PMF1: variants seen among roughly 807,000 people sequenced by gnomAD.
PMF1 encodes polyamine modulated factor 1, also known as polyamine-modulated factor 1.
In PMF1, 21 loss-of-function variants were observed where a neutral mutation model predicts 26.7. The ratio of observed to expected loss-of-function variants is 0.79; its 90% CI spans 0.56 to 1.13. The LOEUF is 1.13. Among genes scored for constraint, PMF1 ranks in the 50% most tolerant of loss-of-function variants. The pLI is 0.00. For missense variants in PMF1, 266 were observed against 254.9 expected (o/e 1.04, Z -0.30); for synonymous variants, 105 against 101.0 (o/e 1.04, Z -0.24).
rs1200001096 is a variant in PMF1, at chr1:156,233,700, G to A, written c.340G>A (p.Glu114Lys). 6.2e-7 allele frequency: 1 copy of A among 1,613,646 alleles called. No individual in the cohort carries two copies. Among genetic ancestry groups the A allele is most frequent in the Non-Finnish European group, 8.5e-7 (1 of 1,179,792 alleles). Reference protein sequence around the residue: ...VLNALDKIVEEGKVRKEPAWR... With the variant: ...VLNALDKIVEKGKVRKEPAWR... The stretch of plus-strand genomic sequence containing the variant: ...GAATGCCTTGGATAAAATTGTGGAA[G>A]AAGGCAAAGTCCGCAAAGAGCCAGC... The change falls in exon 3 of 5, where the codon GAA (glutamate) becomes AAA (lysine). Residue 114 changes from glutamate to lysine, a missense_variant. Transcript: ENST00000368277.
chr1:156,229,977 T>C (rs556936348), intron 1 of PMF1, among the ~76,000 whole-genome samples: 1 of 152,390 alleles, frequency 6.6e-6, no homozygotes, highest in East Asian at 1.9e-4. Flanking sequence ...GGCAGTTCTC[T>C]CTTGCAGGCC....
chr1:156,236,194 TG>T, intron 3 of PMF1, 93 bp from the exon 4 acceptor site: 1 of 1,514,840 alleles, frequency 6.6e-7, no homozygotes, highest in Non-Finnish European at 8.9e-7. Context: ...TGGGACAAGG[TG>T]GGCATGTCAC....
chr1:156,237,951 A>T (rs1225154670), intron 4 of PMF1, among the ~76,000 whole-genome samples: 1 of 151,798 alleles, frequency 6.6e-6, no homozygotes, highest in Non-Finnish European at 1.5e-5. Flanking sequence ...TATTTTTAGT[A>T]GAGACGGGGT....
At position 156,228,256 on chromosome 1, in the gene PMF1, ATTTTTTTTTTTTTTTTT is replaced by A. The variant is rs772709878; in HGVS notation, c.162-4048_162-4032del. On this transcript the variant is annotated intron_variant, in intron 1 of 4. Transcript: ENST00000368277. ...CAGGCGTGAGCCACCGCACCTGGCGATTTTTTTTTTTTTTTTTTTTTTTTTTTTTTTTAGTGTATCAC... is the reference window on the plus strand; with the variant it reads ...CAGGCGTGAGCCACCGCACCTGGCGATTTTTTTTTTTTTTTAGTGTATCAC... Among the ~76,000 whole-genome samples, 141 of 33,566 alleles carry A rather than the reference ATTTTTTTTTTTTTTTTT, an allele frequency of 4.2e-3. 2 individuals are homozygous for A. The highest frequency in any genetic ancestry group is 0.014 in the African/African-American group (135 of 9,760). The allele number at this position is 33,566 out of a possible 152,430, so 22.0% of individuals were successfully genotyped here.
intron 1 of PMF1, among the ~76,000 whole-genome samples, chr1:156,225,046 C>T (rs1228362458): frequency 6.6e-6 from 1 of 151,846 alleles, no homozygotes; most frequent in African/African-American, 2.4e-5. Context: ...ATTACAGGCG[C>T]CTGCCACTGC....
intron 1 of PMF1, among the ~76,000 whole-genome samples, chr1:156,222,383 C>CT (rs11432585): frequency 0.34 from 51,539 of 150,432 alleles, 9,019 homozygotes; most frequent in African/African-American, 0.4. Flanking sequence ...TGAATACATA[C>CT]TTTTTTTTTT....
chr1:156,229,207 C>G (rs1293722356), intron 1 of PMF1, among the ~76,000 whole-genome samples: 1 of 151,964 alleles, frequency 6.6e-6, no homozygotes, highest in Non-Finnish European at 1.5e-5. Context: ...CGCGCCTGGC[C>G]TACTGTATTG....
chr1:156,233,320 A>ATTT (rs572347708), intron 2 of PMF1, among the ~76,000 whole-genome samples: 3 of 138,418 alleles, frequency 2.2e-5, no homozygotes, highest in Non-Finnish European at 3.1e-5. Flanking sequence ...CATCCAGCTA[A>ATTT]TTTTTTTTTT....
intron 1 of PMF1, chr1:156,225,429 A>G (rs980019580): frequency 1.8e-5 from 11 of 605,198 alleles, no homozygotes; most frequent in Non-Finnish European, 3.4e-5. Context: ...CCCAGTATGT[A>G]GTCTTTTATC....
At position 156,236,865 on chromosome 1, in the gene PMF1, G is replaced by A. The variant is rs144205558; in HGVS notation, c.564+382G>A. ...ACATAGATATATATATTCTAAACCCGGTATATGGTAGGGGGATGGGAAGAG... is the reference window on the plus strand; with the variant it reads ...ACATAGATATATATATTCTAAACCCAGTATATGGTAGGGGGATGGGAAGAG... On this transcript the variant is annotated intron_variant, in intron 4 of 4. Transcript: ENST00000368277. The A allele has an allele frequency of 2.6e-3, 583 of 222,760 alleles. 6 individuals carry two copies. Among genetic ancestry groups the A allele is most frequent in the African/African-American group, 0.012 (536 of 44,664 alleles). The allele number at this position is 222,760 out of a possible 1,614,324, so 13.8% of individuals were successfully genotyped here.
At position 156,239,672 on chromosome 1, in the gene PMF1, G is replaced by A; in HGVS notation, c.*71G>A. The A allele has an allele frequency of 1.5e-6, 2 of 1,315,874 alleles. No individual in the cohort carries two copies. The highest frequency in any genetic ancestry group is 1.2e-5 in the South Asian group (1 of 83,998). 81.5% of individuals were successfully genotyped at this position (1,315,874 alleles called of 1,614,324 possible). A position where few individuals can be genotyped will look rare whatever the true frequency, so the allele number is the denominator to read the frequency against. Reference sequence around the variant, plus strand: ...CTGTGGTCCAGCATGCCTGGCCTGGGCGGGCTACCTCTGAGAACGGCTGAA... The same window carrying A: ...CTGTGGTCCAGCATGCCTGGCCTGGACGGGCTACCTCTGAGAACGGCTGAA... On this transcript the variant is annotated 3_prime_UTR_variant, in exon 5 of 5. Coordinates refer to ENST00000368277, the MANE Select transcript of PMF1 (RefSeq NM_007221.4).
intron 1 of PMF1, among the ~76,000 whole-genome samples, chr1:156,228,389 C>G (rs765619213): frequency 6.7e-6 from 1 of 148,252 alleles, no homozygotes; most frequent in Non-Finnish European, 1.5e-5. Flanking sequence ...AGAAAGACAT[C>G]ACCTTCTTCC....
intron 1 of PMF1, among the ~76,000 whole-genome samples, chr1:156,220,491 G>A (rs1658021674): frequency 6.6e-6 from 1 of 152,088 alleles, no homozygotes; most frequent in South Asian, 2.1e-4. Context: ...CGGGATTACG[G>A]GTGTGAGCCA....
chr1:156,233,859 TC>T, intron 3 of PMF1, 131 bp downstream of exon 3: 1 of 784,660 alleles, frequency 1.3e-6, no homozygotes, highest in Non-Finnish European at 1.9e-6. Flanking sequence ...TAAGCTGTCC[TC>T]CCACCTTGAC....
intron 1 of PMF1, among the ~76,000 whole-genome samples, chr1:156,221,071 A>C (rs1572484783): frequency 6.6e-6 from 1 of 151,888 alleles, no homozygotes; most frequent in Non-Finnish European, 1.5e-5. Context: ...CTGCCCCTTT[A>C]CCTGACTAGC....
intron 4 of PMF1, among the ~76,000 whole-genome samples, chr1:156,239,149 C>T (rs944226650): frequency 7.2e-5 from 11 of 152,216 alleles, no homozygotes; most frequent in African/African-American, 2.7e-4. Context: ...CCACCCATTC[C>T]AGCTACAGAC....
At chr1:156,216,742 G>GACA (rs1487737354) in intron 1 of PMF1, among the ~76,000 whole-genome samples, 5 of 147,646 alleles carry the variant, frequency 3.4e-5, no homozygotes, top group Non-Finnish European at 7.4e-5. Flanking sequence ...CTGGCTCCGT[G>GACA]CCGTGCGTGT....
chr1:156,232,492 A>G, intron 2 of PMF1, 67 bp downstream of exon 2: 1 of 1,508,356 alleles, frequency 6.6e-7, no homozygotes, highest in Non-Finnish European at 9.2e-7. Flanking sequence ...CAGTCCCCTG[A>G]GGGCAGTGGC....
intron 1 of PMF1, among the ~76,000 whole-genome samples, chr1:156,227,789 C>T (rs1261192512): frequency 2.0e-5 from 3 of 151,822 alleles, no homozygotes; most frequent in Admixed American, 6.6e-5. Context: ...TGAGCCACTG[C>T]GCCTGGCCTT....
Sources: gnomAD v4.1 joint callset for allele counts (sites outside exome capture counted in the v4.1 genomes callset) on GRCh38, gnomAD v4.1.1 for gene constraint, MANE v1.5 for transcripts, NCBI Gene and HGNC (gene_info 2026-07-23, HGNC 2026-07-21) for gene names.